MARK3: variants seen among roughly 807,000 people sequenced by gnomAD.
MARK3 encodes the protein MAP/microtubule affinity-regulating kinase 3.
In MARK3, 46 loss-of-function variants were observed where a neutral mutation model predicts 90.1. That is an observed-to-expected ratio of 0.51 (90% CI 0.40 to 0.65). MARK3 has a LOEUF of 0.65. Ranked by LOEUF, MARK3 falls within the 30% of genes least tolerant of loss-of-function variation. MARK3 has a pLI of 0.00. For synonymous variants in MARK3, 321 were observed against 332.6 expected (o/e 0.97, Z 0.38); for missense variants, 818 against 947.2 (o/e 0.86, Z 1.79).
intron 2 of MARK3, among the ~76,000 whole-genome samples, chr14:103,414,462 C>T (rs1376252483): frequency 1.3e-5 from 2 of 152,008 alleles, no homozygotes; most frequent in African/African-American, 2.4e-5. Flanking sequence ...GCCTTGGCCT[C>T]CCCAGGTGCT....
At chr14:103,470,469 T>TTTTTTTTTTTTTTTTTTTTTTG in intron 12 of MARK3, among the ~76,000 whole-genome samples, 1 of 128,840 alleles carries the variant, frequency 7.8e-6, no homozygotes, top group Non-Finnish European at 1.7e-5. Context: ...TTTTTTTTTT[T>TTTTTTTTTTTTTTTTTTTTTTG]TTTGAGATGG....
chr14:103,496,417 C>CT (rs34504040), intron 15 of MARK3, among the ~76,000 whole-genome samples: 50,353 of 145,744 alleles, frequency 0.35, 8,964 homozygotes, highest in East Asian at 0.49. Flanking sequence ...CCCATCTCTA[C>CT]TTTTTTTTTT....
Position 103,426,079 on chromosome 14 carries a change from T to G in MARK3, c.244-2308T>G, listed in dbSNP as rs1595611265. ...AGGAGTCTGCCGAGTCAAAACTATT[T>G]TTGTGATACTAGTAAAACATTTGCT... On this transcript the variant is annotated intron_variant, in intron 2 of 17. Transcript: ENST00000429436. Among the ~76,000 whole-genome samples the G allele has an allele frequency of 1.3e-5, 2 of 152,226 alleles. 1 individual carries two copies. The highest frequency in any genetic ancestry group is 4.1e-4 in the South Asian group (2 of 4,832).
Position 103,480,425 on chromosome 14 carries a change from TTA to T in MARK3, c.1523_1524del (p.Tyr508CysfsTer4). 6.2e-7 allele frequency: 1 copy of T among 1,613,642 alleles called. No homozygotes were observed. The highest frequency in any genetic ancestry group is 1.1e-5 in the South Asian group (1 of 91,036). ...CTGGTGGAATGACACGACGAAATAC[TTA>T]TGTTTGCAGTGAGAGAACTACAGCT... The part of the protein sequence containing the change: ...ASGGMTRRNT[Y>X]VCSERTTADR... On this transcript the variant is annotated frameshift_variant, in exon 14 of 18. Transcript: ENST00000429436. LOFTEE classifies it high-confidence loss of function.
At chr14:103,439,787 C>CT (rs541043313) in intron 3 of MARK3, among the ~76,000 whole-genome samples, 259 of 151,810 alleles carry the variant, frequency 1.7e-3, no homozygotes, top group African/African-American at 2.4e-3. Context: ...GCTTTGCTTC[C>CT]TTTTTTTTGT....
chr14:103,475,694 C>T (rs1417944218), intron 13 of MARK3, among the ~76,000 whole-genome samples: 2 of 152,196 alleles, frequency 1.3e-5, no homozygotes, highest in Non-Finnish European at 2.9e-5. Context: ...CGCCTGTAAT[C>T]TCAGCACTTT....
intron 15 of MARK3, among the ~76,000 whole-genome samples, chr14:103,497,611 T>A (rs1377760870): frequency 6.6e-6 from 1 of 152,216 alleles, no homozygotes; most frequent in Non-Finnish European, 1.5e-5. Flanking sequence ...TGACACTTAG[T>A]TTTTATTCAT....
chr14:103,479,753 C>T (rs1464387529), intron 13 of MARK3, among the ~76,000 whole-genome samples: 2 of 151,270 alleles, frequency 1.3e-5, no homozygotes. Flanking sequence ...CTACCTCAGC[C>T]TCCTGGCCTC....
At chr14:103,494,884 C>T (rs1233663454) in intron 15 of MARK3, among the ~76,000 whole-genome samples, 1 of 151,990 alleles carries the variant, frequency 6.6e-6, no homozygotes, top group East Asian at 1.9e-4. Context: ...TGATCCACCG[C>T]GCCCAGCCAA....
intron 3 of MARK3, among the ~76,000 whole-genome samples, chr14:103,431,983 TC>T (rs1332802590): frequency 6.6e-6 from 1 of 150,844 alleles, no homozygotes; most frequent in African/African-American, 2.4e-5. Context: ...GTTTCCCCCC[TC>T]CCACCTGAAT....
intron 1 of MARK3, among the ~76,000 whole-genome samples, chr14:103,398,753 A>C (rs540377559): frequency 9.2e-4 from 140 of 152,368 alleles, no homozygotes; most frequent in African/African-American, 3.0e-3. Context: ...AGCTGCTTTC[A>C]AAAGTGAAAC....
chr14:103,454,164 A>G (rs1595751999), intron 5 of MARK3, among the ~76,000 whole-genome samples: 1 of 151,556 alleles, frequency 6.6e-6, no homozygotes, highest in South Asian at 2.1e-4. Flanking sequence ...GAGCATAGGA[A>G]CCCCCTCTGA....
intron 3 of MARK3, among the ~76,000 whole-genome samples, chr14:103,442,853 A>G (rs2092892899): frequency 1.3e-5 from 2 of 152,214 alleles, no homozygotes; most frequent in South Asian, 4.1e-4. Context: ...TCAGGAATAA[A>G]TAATAATGTA....
chr14:103,414,200 TTC>T (rs1391895324), intron 2 of MARK3, among the ~76,000 whole-genome samples: 41 of 135,704 alleles, frequency 3.0e-4, no homozygotes, highest in Non-Finnish European at 1.5e-5. Flanking sequence ...TACTTTTCTT[TTC>T]TTTCTTTTTT....
intron 14 of MARK3, among the ~76,000 whole-genome samples, chr14:103,485,966 TA>T (rs2093921413): frequency 6.6e-6 from 1 of 152,150 alleles, no homozygotes; most frequent in Non-Finnish European, 1.5e-5. Context: ...ACTTGAATTT[TA>T]AGAAAAACAT....
intron 4 of MARK3, among the ~76,000 whole-genome samples, chr14:103,450,116 C>G (rs926655778): frequency 6.6e-5 from 10 of 151,922 alleles, no homozygotes; most frequent in African/African-American, 1.9e-4. Context: ...TGCTAGCAAG[C>G]CTTCATCCTG....
intron 12 of MARK3, among the ~76,000 whole-genome samples, chr14:103,474,549 C>G (rs557565177): frequency 1.4e-5 from 2 of 143,640 alleles, no homozygotes; most frequent in African/African-American, 5.2e-5. Context: ...TTAAAAAGAT[C>G]CAAGATAAAA....
intron 2 of MARK3, among the ~76,000 whole-genome samples, chr14:103,408,892 C>T (rs1484555100): frequency 6.6e-6 from 1 of 152,156 alleles, no homozygotes. Flanking sequence ...AATCTGTAAA[C>T]AGCTTGTGTG....
At chr14:103,495,103 T>G (rs2075268402) in intron 15 of MARK3, among the ~76,000 whole-genome samples, 1 of 152,216 alleles carries the variant, frequency 6.6e-6, no homozygotes, top group Non-Finnish European at 1.5e-5. Flanking sequence ...CTCATTTAAT[T>G]TAATCTCCAT....
Sources: gnomAD v4.1 joint callset for allele counts (sites outside exome capture counted in the v4.1 genomes callset) on GRCh38, gnomAD v4.1.1 for gene constraint, MANE v1.5 for transcripts, NCBI Gene and HGNC (gene_info 2026-07-23, HGNC 2026-07-21) for gene names.